GRIK5: variants seen among roughly 807,000 people sequenced by gnomAD.
GRIK5 encodes the protein glutamate receptor ionotropic, kainate 5.
A neutral mutation model predicts 97.4 loss-of-function variants in GRIK5; 43 were observed. That is an observed-to-expected ratio of 0.44 (90% CI 0.35 to 0.57). The LOEUF is 0.57. Ranked by LOEUF, GRIK5 falls within the 20% of genes least tolerant of loss-of-function variation. The pLI, the probability that GRIK5 is intolerant of heterozygous loss-of-function variation, is 0.01. For missense variants in GRIK5, 1,015 were observed against 1,382.0 expected (o/e 0.73, Z 4.21); for synonymous variants, 580 against 583.5 (o/e 0.99, Z 0.09).
rs540944436 is a variant in GRIK5, at chr19:42,022,184, G to A, written c.1587+57C>T. ...TCCTGGGGCTGTCTGGCTCCCACTC[G>A]CAGGCCCTGAGCCTCCATGCCAGGC... On this transcript the variant is annotated intron_variant, in intron 13 of 19. Coordinates refer to ENST00000593562, the MANE Select transcript of GRIK5 (RefSeq NM_002088.5). The surrounding 1 kb of genome is among the most constrained non-coding windows in gnomAD (Gnocchi z 4.2). The A allele has an allele frequency of 1.2e-4, 178 of 1,466,596 alleles. No individual in the cohort carries two copies. Among genetic ancestry groups the A allele is most frequent in the Admixed American group, 5.8e-4 (34 of 58,578 alleles). The allele number at this position is 1,466,596 out of a possible 1,614,324, so 90.8% of individuals were successfully genotyped here.
In GRIK5 at chr19:42,059,416, C is replaced by T. The variant is rs761095828; in HGVS notation, c.620G>A (p.Arg207His). ...RDPTPLLKEI[R>H]DDKVSTIIID... ...GATGATGGTGGACACCTTGTCATCACGGATCTCCTTGAGCAGTGGTGTGGG... is the reference window on the plus strand; with the variant it reads ...GATGATGGTGGACACCTTGTCATCATGGATCTCCTTGAGCAGTGGTGTGGG... Residue 207 changes from arginine (R) to histidine (H), a missense_variant, in exon 6 of 20, where the codon CGT (arginine) becomes CAT (histidine). Arg to His is a conservative substitution (Grantham distance 29). This residue lies in a region of GRIK5 where 477 missense variants were observed against 701.1 expected (regional missense o/e 0.68). Coordinates refer to ENST00000593562, the MANE Select transcript of GRIK5 (RefSeq NM_002088.5). The T allele has an allele frequency of 3.7e-6, 6 of 1,613,768 alleles. No individual in the cohort carries two copies. The highest frequency in any genetic ancestry group is 5.1e-6 in the Non-Finnish European group (6 of 1,179,870).
At chr19:42,023,408 G>A (rs1191386777) in intron 12 of GRIK5, among the ~76,000 whole-genome samples, 2 of 152,170 alleles carry the variant, frequency 1.3e-5, no homozygotes, top group African/African-American at 4.8e-5. Context: ...CCACTTTTAT[G>A]ACTAATACGT....
chr19:42,001,037 TA>T (rs1473493249), intron 19 of GRIK5, among the ~76,000 whole-genome samples: 1 of 152,036 alleles, frequency 6.6e-6, no homozygotes, highest in Non-Finnish European at 1.5e-5. Context: ...AACCAATCTA[TA>T]CCCCCAACCT....
chr19:42,023,171 AC>A (rs2075723914), intron 12 of GRIK5, among the ~76,000 whole-genome samples: 1 of 151,752 alleles, frequency 6.6e-6, no homozygotes, highest in Non-Finnish European at 1.5e-5. Context: ...CCCAAAGATG[AC>A]CCCAAGCAGA....
chr19:42,039,727 C>G (rs1436754069), intron 12 of GRIK5, among the ~76,000 whole-genome samples: 2 of 152,162 alleles, frequency 1.3e-5, no homozygotes, highest in Non-Finnish European at 2.9e-5. Flanking sequence ...ATAGTATAAT[C>G]CCAGCACTTT....
At chr19:42,038,643 C>T (rs1440645755) in intron 12 of GRIK5, among the ~76,000 whole-genome samples, 3 of 152,218 alleles carry the variant, frequency 2.0e-5, no homozygotes, top group East Asian at 1.9e-4. Context: ...GGAAAGGGCA[C>T]GGGCCTTAAG....
chr19:42,053,072 A>AC (rs1008524487), intron 11 of GRIK5, among the ~76,000 whole-genome samples: 16 of 151,972 alleles, frequency 1.1e-4, no homozygotes, highest in African/African-American at 3.9e-4. Context: ...CAGGAGTGGC[A>AC]CCCCCAGGGC....
chr19:42,059,772 C>T (rs1458192232), intron 5 of GRIK5, among the ~76,000 whole-genome samples: 2 of 152,114 alleles, frequency 1.3e-5, no homozygotes, highest in African/African-American at 2.4e-5. Context: ...TTCCTGACCC[C>T]TCATTGGGTG....
rs568927481 is a variant in GRIK5 at position 42,009,380 on chromosome 19, T to C, written c.1872-2570A>G. Among the ~76,000 whole-genome samples the C allele has an allele frequency of 1.5e-4, 23 of 151,450 alleles. No individual in the cohort carries two copies. The East Asian group carries it at 4.3e-3, about 28-fold the overall frequency. On this transcript the variant is annotated intron_variant, in intron 15 of 19. Transcript: ENST00000593562. ...GCCTCAGCCTCCTGAATAGCTGGGATTACAGGCACCCGCCACCATGCCCAG... is the reference window on the plus strand; with the variant it reads ...GCCTCAGCCTCCTGAATAGCTGGGACTACAGGCACCCGCCACCATGCCCAG...
chr19:42,041,261 C>T (rs2075973993), intron 12 of GRIK5, among the ~76,000 whole-genome samples: 1 of 152,172 alleles, frequency 6.6e-6, no homozygotes, highest in Non-Finnish European at 1.5e-5. Flanking sequence ...TCAAGTCTAA[C>T]GTCAAGGCTG....
intron 6 of GRIK5, among the ~76,000 whole-genome samples, chr19:42,058,565 C>T (rs1169244913): frequency 4.7e-5 from 7 of 149,044 alleles, no homozygotes; most frequent in South Asian, 2.1e-4. Flanking sequence ...TGGTGGCTCA[C>T]GCCTGTAATT....
At position 41,998,883 on chromosome 19, in the gene GRIK5, C is replaced by T. The variant is rs1935772941; in HGVS notation, c.2931G>A (p.Ala977=). 4.5e-6 allele frequency: 5 copies of T among 1,117,386 alleles called. No homozygotes were observed. The highest frequency in any genetic ancestry group is 5.5e-6 in the Non-Finnish European group (5 of 914,814). 69.2% of individuals were successfully genotyped at this position (1,117,386 alleles called of 1,614,324 possible). ...GCCCCGCCCGTGGTCACTCGTGCTC[C>T]GCCAGCTCCCGGGGGCCGGCGGGGC... ...RPGPAGPREL[A]EHE Residue 977 remains alanine, a synonymous_variant, in exon 20 of 20, where the codon GCG becomes GCA. Transcript: ENST00000593562.
intron 11 of GRIK5, among the ~76,000 whole-genome samples, chr19:42,048,438 G>T (rs1309112449): frequency 6.6e-6 from 1 of 152,018 alleles, no homozygotes; most frequent in Non-Finnish European, 1.5e-5. Flanking sequence ...TGGCTAATCG[G>T]TGAAACCCCG....
rs1315379659 is a variant in GRIK5 at position 41,998,983 on chromosome 19, G to A, written c.2831C>T (p.Ala944Val). ...QECRRIQALR[A>V]SGAGAPPRGL... ...ACGCGGAGGCGCGCCGGCCCCCGAG[G>A]CCCGCAGCGCCTGGATGCGCCGGCA... Residue 944 changes from alanine (A) to valine (V), a missense_variant, in exon 20 of 20, where the codon GCC (alanine) becomes GTC (valine). This residue lies in a region of GRIK5 where 109 missense variants were observed against 100.4 expected (regional missense o/e 1.09). Coordinates refer to ENST00000593562, the MANE Select transcript of GRIK5 (RefSeq NM_002088.5). The A allele has an allele frequency of 1.4e-4, 162 of 1,184,374 alleles. No homozygotes were observed. In the East Asian group the frequency reaches 6.6e-3, roughly 48 times the overall value. 73.4% of individuals were successfully genotyped at this position (1,184,374 alleles called of 1,614,324 possible).
chr19:42,056,071 C>T (rs141186358), intron 8 of GRIK5, among the ~76,000 whole-genome samples: 63 of 151,946 alleles, frequency 4.1e-4, no homozygotes, highest in African/African-American at 1.5e-3. Flanking sequence ...CTGCAACCTC[C>T]GCCTCCCAGG....
chr19:42,056,798 C>T lies in GRIK5; in HGVS notation c.767G>A (p.Gly256Asp), dbSNP rs552501862. 2 of 1,614,092 alleles carry T rather than the reference C, an allele frequency of 1.2e-6. No homozygotes were observed. Among genetic ancestry groups the T allele is most frequent in the East Asian group, 2.2e-5 (1 of 44,890 alleles). Residue 256 changes from glycine to aspartate, a missense_variant, in exon 8 of 20, where the codon GGT becomes GAT. Physicochemically the swap from Gly to Asp is moderately conservative, Grantham distance 94. Transcript: ENST00000593562. ...TMDFPILHLD[G>D]IVEDSSNILG... ...GATGTTGGAGGAGTCCTCCACAATA[C>T]CGTCCAGATGCAGGATGGGGAAGTC... is the stretch of plus-strand genomic sequence containing the variant.
At chr19:42,012,250 GTATGTATT>G (rs1274338138) in intron 15 of GRIK5, among the ~76,000 whole-genome samples, 5 of 151,148 alleles carry the variant, frequency 3.3e-5, no homozygotes, top group African/African-American at 1.2e-4. Context: ...ATGTATGTAT[GTATGTATT>G]TATTTATTTG....
intron 12 of GRIK5, among the ~76,000 whole-genome samples, chr19:42,033,539 C>T (rs995265233): frequency 6.6e-6 from 1 of 151,792 alleles, no homozygotes; most frequent in Admixed American, 6.6e-5. Flanking sequence ...GAGTGGGGAG[C>T]GACTGCTTAA....
chr19:42,060,810 G>A (rs1041482180), intron 5 of GRIK5, among the ~76,000 whole-genome samples: 1 of 151,138 alleles, frequency 6.6e-6, no homozygotes, highest in Non-Finnish European at 1.5e-5. Context: ...CCTTCTCAAT[G>A]AGGCCCTCGC....
Sources: gnomAD v4.1 joint callset for allele counts (sites outside exome capture counted in the v4.1 genomes callset) on GRCh38, gnomAD v4.1.1 for gene constraint, gnomAD v4.1.1 regional missense constraint, Gnocchi (gnomAD v3.1) non-coding constraint, MANE v1.5 for transcripts, NCBI Gene and HGNC (gene_info 2026-07-23, HGNC 2026-07-21) for gene names.